The following FAF1 variants were observed in gnomAD, a reference collection of about 807,000 sequenced individuals.
FAF1 encodes FAS-associated factor 1.
In FAF1, 25 loss-of-function variants were observed where a neutral mutation model predicts 92.5. That is an observed-to-expected ratio of 0.27 (90% CI 0.20 to 0.38). FAF1 has a LOEUF of 0.38. FAF1 is among the 10% of genes least tolerant of loss of function. The pLI, the probability that FAF1 is intolerant of heterozygous loss-of-function variation, is 1.00. For synonymous variants in FAF1, 234 were observed against 273.2 expected, an observed-to-expected ratio of 0.86 and a Z score of 1.42; for missense variants, 636 against 793.3, an observed-to-expected ratio of 0.80 and a Z score of 2.38.
rs143683037 is a variant in FAF1, at chr1:50,859,885, G to A, written c.46-1888C>T. Among the ~76,000 whole-genome samples the A allele has an allele frequency of 3.4e-3, 519 of 151,966 alleles. 1 individual carries two copies. Among genetic ancestry groups the A allele is most frequent in the Non-Finnish European group, 6.2e-3 (419 of 67,878 alleles). ...ACAATAATCAAAACAGCATGGAATC[G>A]ATACAAAAACAGACATAAACACTCA... On this transcript the variant is annotated intron_variant, in intron 1 of 18. Coordinates refer to ENST00000396153, the MANE Select transcript of FAF1 (RefSeq NM_007051.3).
intron 9 of FAF1, among the ~76,000 whole-genome samples, chr1:50,588,185 GCTGAGGCAGGAGAATCA>G (rs1323774734): frequency 2.0e-5 from 3 of 152,198 alleles, no homozygotes; most frequent in Admixed American, 2.0e-4. Flanking sequence ...TACCTGGAAG[GCTGAGGCAGGAGAATCA>G]CTTGAACGTG....
intron 4 of FAF1, among the ~76,000 whole-genome samples, chr1:50,778,302 C>T (rs1056694470): frequency 9.2e-5 from 14 of 151,940 alleles, no homozygotes; most frequent in African/African-American, 3.4e-4. Flanking sequence ...TTCTAACGTG[C>T]AATAAATATT....
At chr1:50,498,011 T>C (rs1314561963) in intron 15 of FAF1, among the ~76,000 whole-genome samples, 1 of 152,100 alleles carries the variant, frequency 6.6e-6, no homozygotes, top group Non-Finnish European at 1.5e-5. Context: ...ATTTCAAAAC[T>C]TACTATAAAG....
At chr1:50,734,203 C>T (rs1659045706) in intron 6 of FAF1, among the ~76,000 whole-genome samples, 1 of 152,162 alleles carries the variant, frequency 6.6e-6, no homozygotes, top group Non-Finnish European at 1.5e-5. Flanking sequence ...CTTGACTTCT[C>T]CCTCAACTTC....
intron 1 of FAF1, among the ~76,000 whole-genome samples, chr1:50,926,108 T>C (rs1372451471): frequency 6.6e-6 from 1 of 152,118 alleles, no homozygotes; most frequent in Non-Finnish European, 1.5e-5. Context: ...TCCCAGTTAC[T>C]CGGGAGACTG....
chr1:50,454,570 A>G (rs1646330350), intron 18 of FAF1, among the ~76,000 whole-genome samples: 1 of 152,182 alleles, frequency 6.6e-6, no homozygotes. Flanking sequence ...CATGTGGTCA[A>G]TCCATGTTTA....
At chr1:50,446,710 G>A (rs1646231336) in intron 18 of FAF1, among the ~76,000 whole-genome samples, 1 of 152,094 alleles carries the variant, frequency 6.6e-6, no homozygotes, top group African/African-American at 2.4e-5. Flanking sequence ...ATATTTCTGA[G>A]GTAATGCTTT....
intron 6 of FAF1, among the ~76,000 whole-genome samples, chr1:50,707,565 C>T (rs1657735207): frequency 6.6e-6 from 1 of 151,274 alleles, no homozygotes; most frequent in Middle Eastern, 3.5e-3. Context: ...AGCTGGGCGT[C>T]GTGCTGGGCT....
rs567078490 is a variant in FAF1, at chr1:50,823,953, C to T, written c.115-22276G>A. Among the ~76,000 whole-genome samples, 6 of 152,020 alleles carry T rather than the reference C, an allele frequency of 3.9e-5. No homozygotes were observed. In the South Asian group the frequency reaches 1.2e-3, roughly 31 times the overall value. ...AAAAATTCCCAGGGAAGGTATTATA[C>T]TTAGATTTTTAAAAAATGCTTTATT... On this transcript the variant is annotated intron_variant, in intron 2 of 18. Coordinates refer to ENST00000396153, the MANE Select transcript of FAF1 (RefSeq NM_007051.3).
intron 9 of FAF1, among the ~76,000 whole-genome samples, chr1:50,594,539 C>A (rs1651693920): frequency 1.4e-5 from 2 of 139,290 alleles, no homozygotes; most frequent in South Asian, 4.5e-4. Flanking sequence ...AGCCATGGAA[C>A]AGAATTTAAA....
At chr1:50,908,950 A>T (rs1388719085) in intron 1 of FAF1, among the ~76,000 whole-genome samples, 1 of 152,142 alleles carries the variant, frequency 6.6e-6, no homozygotes, top group Non-Finnish European at 1.5e-5. Context: ...TCATTAGTTG[A>T]TGCAGTTTCT....
intron 6 of FAF1, among the ~76,000 whole-genome samples, chr1:50,721,849 C>T (rs1418032388): frequency 1.3e-5 from 2 of 152,032 alleles, no homozygotes; most frequent in Admixed American, 6.6e-5. Context: ...GTCTCAAACA[C>T]CTGGGTTCAA....
At chr1:50,809,092 A>G (rs1010473639) in intron 2 of FAF1, among the ~76,000 whole-genome samples, 2 of 152,174 alleles carry the variant, frequency 1.3e-5, no homozygotes, top group Middle Eastern at 3.2e-3. Context: ...AAGATACAAT[A>G]TATCAGAAAC....
intron 5 of FAF1, among the ~76,000 whole-genome samples, chr1:50,740,668 A>C (rs1659346214): frequency 1.3e-5 from 2 of 152,098 alleles, no homozygotes; most frequent in Admixed American, 1.3e-4. Flanking sequence ...TTAACTTCCC[A>C]ATCCACTAAT....
chr1:50,455,697 C>T lies in FAF1; in HGVS notation c.1870-14174G>A, dbSNP rs74827444. Among the ~76,000 whole-genome samples the T allele has an allele frequency of 6.7e-3, 1,016 of 152,266 alleles. 15 individuals are homozygous for T. The highest frequency in any genetic ancestry group is 0.023 in the African/African-American group (946 of 41,550). ...AGATAAAGAAAAAAAGACCCAGAGACGTATGTACCTTGCTTGAGATCACAT... is the reference window on the plus strand; with the variant it reads ...AGATAAAGAAAAAAAGACCCAGAGATGTATGTACCTTGCTTGAGATCACAT... On this transcript the variant is annotated intron_variant, in intron 18 of 18. Transcript: ENST00000396153.
chr1:50,623,129 C>T (rs754448316), intron 8 of FAF1, among the ~76,000 whole-genome samples: 16 of 152,130 alleles, frequency 1.1e-4, no homozygotes, highest in Non-Finnish European at 1.9e-4. Flanking sequence ...TATCAATAAG[C>T]TCAATAAGTG....
At chr1:50,617,571 T>C (rs1652979040) in intron 8 of FAF1, among the ~76,000 whole-genome samples, 1 of 152,170 alleles carries the variant, frequency 6.6e-6, no homozygotes, top group Non-Finnish European at 1.5e-5. Context: ...TGAGGAGTTT[T>C]GCATCTTTGT....
chr1:50,712,308 G>A (rs769439455), intron 6 of FAF1, among the ~76,000 whole-genome samples: 4 of 152,196 alleles, frequency 2.6e-5, no homozygotes, highest in African/African-American at 4.8e-5. Context: ...AACTGCTTAA[G>A]TTTTGTTTTG....
intron 17 of FAF1, among the ~76,000 whole-genome samples, chr1:50,485,391 G>A (rs1484816054): frequency 6.6e-5 from 10 of 151,750 alleles, no homozygotes; most frequent in Non-Finnish European, 1.0e-4. Flanking sequence ...GGCTGGGCGC[G>A]GTGGCTCACA....
Sources: allele counts gnomAD v4.1 joint callset (sites outside exome capture counted in the v4.1 genomes callset), GRCh38; gene constraint gnomAD v4.1.1; transcripts MANE v1.5; gene names NCBI Gene and HGNC (gene_info 2026-07-23, HGNC 2026-07-21).